SIPA1: variants seen among roughly 807,000 people sequenced by gnomAD.
SIPA1 encodes signal-induced proliferation-associated protein 1.
SIPA1 carries 51 observed loss-of-function variants against 88.1 expected under a neutral mutation model. The ratio of observed to expected loss-of-function variants is 0.58; its 90% confidence interval spans 0.46 to 0.73. The LOEUF is 0.73. Among genes scored for constraint, SIPA1 ranks in the 30% least tolerant of loss-of-function variants. The pLI, the probability that SIPA1 is intolerant of heterozygous loss-of-function variation, is 0.00. For missense variants in SIPA1, 1,348 were observed against 1,467.6 expected (o/e 0.92, Z 1.33); for synonymous variants, 681 against 664.8 (o/e 1.02, Z -0.37).
chr11:65,641,140 C>T lies in SIPA1; in HGVS notation c.219C>T (p.His73=), dbSNP rs1207168868. ...CAGCCAGCCCCCGTGCCCGTGCCCA[C>T]AGCCACGAAGAGGCCAGCCGACCTG... The part of the protein sequence containing the change: ...PTPASPRARA[H]SHEEASRPAA... Residue 73 remains histidine, a synonymous_variant, in exon 2 of 16, where the codon CAC becomes CAT. Coordinates refer to ENST00000534313, the MANE Select transcript of SIPA1 (RefSeq NM_006747.4). 1.9e-6 allele frequency: 3 copies of T among 1,604,340 alleles called. No individual in the cohort carries two copies. The highest frequency in any genetic ancestry group is 2.5e-6 in the Non-Finnish European group (3 of 1,179,520).
chr11:65,642,226 G>A lies in SIPA1; in HGVS notation c.680-24G>A, dbSNP rs974398688. 5.8e-6 allele frequency: 9 copies of A among 1,548,808 alleles called. No individual in the cohort carries two copies. The highest frequency in any genetic ancestry group is 7.8e-6 in the Non-Finnish European group (9 of 1,147,062). ...GGGCTGCCAGAGGGCGGGACCAATC[G>A]TTTTCTTCGGCGCGGTCCCCCAGAA... On this transcript the variant is annotated intron_variant, in intron 2 of 15. Transcript: ENST00000534313. This position sits in a 1 kb window ranked among gnomAD's most constrained non-coding sequence, Gnocchi z 6.5.
intron 5 of SIPA1, among the ~76,000 whole-genome samples, chr11:65,645,600 A>G (rs978188323): frequency 6.6e-6 from 1 of 151,984 alleles, no homozygotes; most frequent in Non-Finnish European, 1.5e-5. Context: ...TTCTGTCTTC[A>G]TTCTATTTCA....
In SIPA1 at chr11:65,649,456, G is replaced by A. The variant is rs1467438190; in HGVS notation, c.2501G>A (p.Ser834Asn). 1 of 1,611,082 alleles carries A rather than the reference G, an allele frequency of 6.2e-7. No individual in the cohort carries two copies. Among genetic ancestry groups the A allele is most frequent in the Non-Finnish European group, 8.5e-7 (1 of 1,178,588 alleles). Reference protein sequence around the residue: ...LAEERTEFLHSQNSLSPRSSL... With the variant: ...LAEERTEFLHNQNSLSPRSSL... Reference sequence around the variant, plus strand: ...GAGGAGAGGACTGAGTTCCTGCACAGCCAGAACTCGCTGTCACCACGCAGG... The same window carrying A: ...GAGGAGAGGACTGAGTTCCTGCACAACCAGAACTCGCTGTCACCACGCAGG... The change falls in exon 10 of 16, where the codon AGC (serine) becomes AAC (asparagine). Residue 834 changes from serine (S) to asparagine (N), a missense_variant. This residue lies in a region of SIPA1 where 615 missense variants were observed against 559.8 expected (regional missense o/e 1.10). Transcript: ENST00000534313.
At chr11:65,648,165 G>A (rs1167480654) in intron 9 of SIPA1, among the ~76,000 whole-genome samples, 1 of 152,054 alleles carries the variant, frequency 6.6e-6, no homozygotes, top group Non-Finnish European at 1.5e-5. Flanking sequence ...GAGTCACCGC[G>A]CCCTGAACCT....
At chr11:65,640,263 C>A (rs887484924) in intron 1 of SIPA1, 1 of 152,396 alleles carries the variant, frequency 6.6e-6, no homozygotes, top group Admixed American at 6.5e-5. Flanking sequence ...GCTGCCCTGC[C>A]GCTGCCTCCC....
Position 65,647,433 on chromosome 11 carries a change from G to C in SIPA1, c.2081G>C (p.Gly694Ala). Residue 694 changes from glycine to alanine, a missense_variant, in exon 9 of 16, where the codon GGT becomes GCT. Gly to Ala is a moderately conservative substitution (Grantham distance 60). Coordinates refer to ENST00000534313, the MANE Select transcript of SIPA1 (RefSeq NM_006747.4). ...CGCGAGCTGGCGCTGCCCCGCGACGGTCAAGGCCGCCTGGGCTTCGAGGTG... is the reference window on the plus strand; with the variant it reads ...CGCGAGCTGGCGCTGCCCCGCGACGCTCAAGGCCGCCTGGGCTTCGAGGTG... The part of the protein sequence containing the change: ...ETRELALPRD[G>A]QGRLGFEVDA... 6.8e-7 allele frequency: 1 copy of C among 1,480,402 alleles called. No homozygotes were observed. The highest frequency in any genetic ancestry group is 8.9e-7 in the Non-Finnish European group (1 of 1,123,308). 91.7% of individuals were successfully genotyped at this position (1,480,402 alleles called of 1,614,324 possible).
intron 9 of SIPA1, 85 bp downstream of exon 9, chr11:65,647,743 T>C: frequency 8.9e-7 from 1 of 1,121,670 alleles, no homozygotes; most frequent in Non-Finnish European, 1.1e-6. Flanking sequence ...CCATCAGCAG[T>C]TTCAGGAACC....
Position 65,642,425 on chromosome 11 carries a change from T to G in SIPA1, c.808-38T>G. Reference sequence around the variant, plus strand: ...GGACGTGGGTTGCCTCCCCGACACCTTGTATGCATCCTGAGTGCCCTTACA... The same window carrying G: ...GGACGTGGGTTGCCTCCCCGACACCGTGTATGCATCCTGAGTGCCCTTACA... On this transcript the variant is annotated intron_variant, in intron 3 of 15. Coordinates refer to ENST00000534313, the MANE Select transcript of SIPA1 (RefSeq NM_006747.4). This position sits in a 1 kb window ranked among gnomAD's most constrained non-coding sequence, Gnocchi z 6.5. 6.2e-7 allele frequency: 1 copy of G among 1,602,150 alleles called. No individual in the cohort carries two copies. The highest frequency in any genetic ancestry group is 8.5e-7 in the Non-Finnish European group (1 of 1,173,404).
At chr11:65,641,657 C>T (rs1201485608) in intron 2 of SIPA1, 57 bp downstream of exon 2, 1 of 1,439,156 alleles carries the variant, frequency 6.9e-7, no homozygotes, top group Non-Finnish European at 9.5e-7. Flanking sequence ...AGGTCCCTGT[C>T]ACCTGCAGTG....
rs569787128 is a variant in SIPA1, at chr11:65,650,795, G to T, written c.*80G>T. ...TCAGGAACTCTCCCTGCGCAGAGGCGTGTCTTAGCACTGCCCCCCTCCCTA... is the reference window on the plus strand; with the variant it reads ...TCAGGAACTCTCCCTGCGCAGAGGCTTGTCTTAGCACTGCCCCCCTCCCTA... On this transcript the variant is annotated 3_prime_UTR_variant, in exon 16 of 16. Coordinates refer to ENST00000534313, the MANE Select transcript of SIPA1 (RefSeq NM_006747.4). 2 of 1,405,312 alleles carry T rather than the reference G, an allele frequency of 1.4e-6. No homozygotes were observed. The highest frequency in any genetic ancestry group is 1.4e-5 in the African/African-American group (1 of 69,368). The allele number at this position is 1,405,312 out of a possible 1,614,324, so 87.1% of individuals were successfully genotyped here.
Position 65,642,654 on chromosome 11 carries a change from G to C in SIPA1, c.984+15G>C. Reference sequence around the variant, plus strand: ...ATGAGCAAGTGGTGAGTGGCGGGCCGCGGAGCCCCCAGCCATACAGCTGGC... The same window carrying C: ...ATGAGCAAGTGGTGAGTGGCGGGCCCCGGAGCCCCCAGCCATACAGCTGGC... On this transcript the variant is annotated intron_variant, in intron 4 of 15. Transcript: ENST00000534313. The surrounding 1 kb of genome is among the most constrained non-coding windows in gnomAD (Gnocchi z 6.5). 6.6e-7 allele frequency: 1 copy of C among 1,519,206 alleles called. No individual in the cohort carries two copies. Among genetic ancestry groups the C allele is most frequent in the Non-Finnish European group, 8.8e-7 (1 of 1,133,948 alleles). The allele number at this position is 1,519,206 out of a possible 1,614,324, so 94.1% of individuals were successfully genotyped here. A position where few individuals can be genotyped will look rare whatever the true frequency, so the allele number is the denominator to read the frequency against.
Position 65,642,225 on chromosome 11 carries a change from C to A in SIPA1, c.680-25C>A. On this transcript the variant is annotated intron_variant, in intron 2 of 15. Coordinates refer to ENST00000534313, the MANE Select transcript of SIPA1 (RefSeq NM_006747.4). The surrounding 1 kb of genome is among the most constrained non-coding windows in gnomAD (Gnocchi z 6.5). ...GGGGCTGCCAGAGGGCGGGACCAAT[C>A]GTTTTCTTCGGCGCGGTCCCCCAGA... 6.5e-7 allele frequency: 1 copy of A among 1,548,510 alleles called. No homozygotes were observed. Among genetic ancestry groups the A allele is most frequent in the East Asian group, 2.4e-5 (1 of 41,028 alleles).
Position 65,650,809 on chromosome 11 carries a change from C to T in SIPA1, c.*94C>T. On this transcript the variant is annotated 3_prime_UTR_variant, in exon 16 of 16. Transcript: ENST00000534313. ...TGCGCAGAGGCGTGTCTTAGCACTGCCCCCCTCCCTAGCCCCTTATTTGGT... is the reference window on the plus strand; with the variant it reads ...TGCGCAGAGGCGTGTCTTAGCACTGTCCCCCTCCCTAGCCCCTTATTTGGT... The T allele has an allele frequency of 7.7e-7, 1 of 1,306,916 alleles. No individual in the cohort carries two copies. Among genetic ancestry groups the T allele is most frequent in the Non-Finnish European group, 1.0e-6 (1 of 979,690 alleles). 81.0% of individuals were successfully genotyped at this position (1,306,916 alleles called of 1,614,324 possible). A position where few individuals can be genotyped will look rare whatever the true frequency, so the allele number is the denominator to read the frequency against.
intron 13 of SIPA1, 32 bp downstream of exon 13, chr11:65,650,083 G>A: frequency 6.2e-7 from 1 of 1,613,446 alleles, no homozygotes; most frequent in African/African-American, 1.3e-5. Context: ...GGTAAGCCTG[G>A]GCAGTGCTCT....
At chr11:65,644,806 CAG>C (rs752481287) in intron 4 of SIPA1, 147 bp from the exon 5 acceptor site, 31 of 735,166 alleles carry the variant, frequency 4.2e-5, no homozygotes, top group Non-Finnish European at 4.5e-5. Context: ...AGGAGCACAA[CAG>C]ACTGTACTCA....
At position 65,646,574 on chromosome 11, in the gene SIPA1, G is replaced by A. The variant is rs1445502363; in HGVS notation, c.1540G>A (p.Gly514Ser). 1.3e-6 allele frequency: 2 copies of A among 1,550,358 alleles called. No individual in the cohort carries two copies. Among genetic ancestry groups the A allele is most frequent in the South Asian group, 1.2e-5 (1 of 85,792 alleles). Reference sequence around the variant, plus strand: ...CTTCCTGCTGGCCAAAGCGCTGAATGGTGAGCAGGCGGCCGGCCACGCGCG... The same window carrying A: ...CTTCCTGCTGGCCAAAGCGCTGAATAGTGAGCAGGCGGCCGGCCACGCGCG... Reference protein sequence around the residue: ...RAFLLAKALNGEQAAGHARQF... With the variant: ...RAFLLAKALNSEQAAGHARQF... Residue 514 changes from glycine (G) to serine (S), a missense_variant, in exon 8 of 16, where the codon GGT becomes AGT. By Grantham distance (56) the Gly-to-Ser change is moderately conservative (BLOSUM62 0). This residue lies in a region of SIPA1 where 641 missense variants were observed against 797.7 expected (regional missense o/e 0.80). Coordinates refer to ENST00000534313, the MANE Select transcript of SIPA1 (RefSeq NM_006747.4). This position sits in a 1 kb window ranked among gnomAD's most constrained non-coding sequence, Gnocchi z 7.5.
In SIPA1 at chr11:65,646,224, C is replaced by G; in HGVS notation, c.1267C>G (p.Leu423Val). The change falls in exon 7 of 16, where the codon CTC becomes GTC. Residue 423 changes from leucine to valine, a missense_variant. This residue lies in a region of SIPA1 where 641 missense variants were observed against 797.7 expected (regional missense o/e 0.80). Transcript: ENST00000534313. This position sits in a 1 kb window ranked among gnomAD's most constrained non-coding sequence, Gnocchi z 7.5. ...PYTPNNQQQL[L>V]RKRHIGNDIV... ...GCCCCTACTATCCAACCCCTAGCTC[C>G]TCCGGAAGCGCCACATTGGCAACGA... is the stretch of plus-strand genomic sequence containing the variant. 6.2e-7 allele frequency: 1 copy of G among 1,613,948 alleles called. No individual in the cohort carries two copies. Among genetic ancestry groups the G allele is most frequent in the Non-Finnish European group, 8.5e-7 (1 of 1,179,966 alleles).
chr11:65,644,321 A>G (rs1415572091), intron 4 of SIPA1, among the ~76,000 whole-genome samples: 1 of 151,314 alleles, frequency 6.6e-6, no homozygotes, highest in Non-Finnish European at 1.5e-5. Flanking sequence ...GTGAGTTTCC[A>G]GCTATCCCCA....
rs777435622 is a variant in SIPA1 at position 65,650,617 on chromosome 11, CACA to C, written c.3037_3039del (p.Asn1013del). The C allele has an allele frequency of 1.5e-5, 23 of 1,581,916 alleles. No homozygotes were observed. Among genetic ancestry groups the C allele is most frequent in the Middle Eastern group, 1.7e-4 (1 of 6,038 alleles). ...GGAGGAGGAGGTGCGGAGCCTGAGA[CACA>C]ACAACCGGCGGCTGCAGGCGGAGTC... On this transcript the variant is annotated inframe_deletion, in exon 16 of 16. Coordinates refer to ENST00000534313, the MANE Select transcript of SIPA1 (RefSeq NM_006747.4).
Sources: allele counts gnomAD v4.1 joint callset (sites outside exome capture counted in the v4.1 genomes callset), GRCh38; gene constraint gnomAD v4.1.1; regional missense constraint gnomAD v4.1.1; non-coding constraint Gnocchi (gnomAD v3.1); transcripts MANE v1.5; gene names NCBI Gene and HGNC (gene_info 2026-07-23, HGNC 2026-07-21).